The following TMEM87A variants were observed in gnomAD, a reference collection of about 807,000 sequenced individuals.
TMEM87A encodes transmembrane protein 87A.
Under a neutral mutation model 90.0 loss-of-function variants are expected in TMEM87A, and 50 were observed. The observed-to-expected ratio is 0.56, with a 90% CI of 0.44 to 0.70. TMEM87A has a LOEUF of 0.70. Among genes scored for constraint, TMEM87A ranks in the 30% least tolerant of loss-of-function variants. TMEM87A has a pLI of 0.00. For missense variants in TMEM87A, 577 were observed against 660.5 expected (o/e 0.87, Z 1.39); for synonymous variants, 226 against 226.7 (o/e 1.00, Z 0.03).
intron 15 of TMEM87A, chr15:42,224,422 T>A (rs1214154404): frequency 6.6e-6 from 1 of 152,178 alleles, no homozygotes; most frequent in Admixed American, 6.5e-5. Flanking sequence ...AAACAATGTG[T>A]TACTACATTT....
intron 7 of TMEM87A, among the ~76,000 whole-genome samples, chr15:42,243,607 T>C (rs1023351758): frequency 1.4e-5 from 2 of 146,114 alleles, no homozygotes; most frequent in East Asian, 4.2e-4. Flanking sequence ...ACAACCTCCA[T>C]CTCCCGGGTT....
intron 19 of TMEM87A, 47 bp downstream of exon 19, chr15:42,217,756 A>G (rs1407383776): frequency 5.0e-6 from 8 of 1,588,990 alleles, no homozygotes; most frequent in African/African-American, 1.4e-5. Flanking sequence ...ATGACTTTCT[A>G]TTTAGTCACC....
chr15:42,220,423 G>C (rs551405754), intron 15 of TMEM87A, among the ~76,000 whole-genome samples: 5 of 152,132 alleles, frequency 3.3e-5, no homozygotes, highest in Non-Finnish European at 7.3e-5. Flanking sequence ...TAAATAAGGG[G>C]ACAATAGAAC....
intron 7 of TMEM87A, among the ~76,000 whole-genome samples, chr15:42,242,062 A>C (rs2050881054): frequency 6.8e-6 from 1 of 147,934 alleles, no homozygotes; most frequent in Non-Finnish European, 1.5e-5. Context: ...GTGAGACTCT[A>C]TCTCAAAAAA....
At chr15:42,238,885 G>A (rs1566930881) in intron 8 of TMEM87A, among the ~76,000 whole-genome samples, 1 of 151,076 alleles carries the variant, frequency 6.6e-6, no homozygotes. Flanking sequence ...CAACAAAACG[G>A]GAAAACTATT....
intron 19 of TMEM87A, among the ~76,000 whole-genome samples, chr15:42,217,016 G>A (rs1052108906): frequency 4.0e-5 from 6 of 148,158 alleles, no homozygotes; most frequent in East Asian, 2.0e-4. Context: ...CTGGAGTGGC[G>A]TAATCTCAGC....
At chr15:42,273,542 C>T (rs1566946223), upstream of TMEM87A, 4 of 1,391,166 alleles carry the variant, frequency 2.9e-6, no homozygotes, top group East Asian at 2.5e-5. Flanking sequence ...AGCGGCCCCT[C>T]TCTCAGACAG....
chr15:42,265,467 C>T (rs1409231066), intron 3 of TMEM87A, among the ~76,000 whole-genome samples: 1 of 146,956 alleles, frequency 6.8e-6, no homozygotes, highest in East Asian at 2.0e-4. Context: ...CGATACTGAG[C>T]TTTTTTTTTT....
chr15:42,231,594 C>T (rs181738238), intron 11 of TMEM87A, among the ~76,000 whole-genome samples: 1 of 152,086 alleles, frequency 6.6e-6, no homozygotes, highest in African/African-American at 2.4e-5. Flanking sequence ...TCTATCATTT[C>T]CTATTATTGC....
At chr15:42,213,033 A>G (rs2050320036) in intron 19 of TMEM87A, among the ~76,000 whole-genome samples, 1 of 152,168 alleles carries the variant, frequency 6.6e-6, no homozygotes, top group African/African-American at 2.4e-5. Context: ...GGTCTTCTGC[A>G]CTATAGGAAA....
intron 7 of TMEM87A, among the ~76,000 whole-genome samples, chr15:42,241,914 A>G (rs1357490857): frequency 6.6e-6 from 1 of 151,974 alleles, no homozygotes; most frequent in Non-Finnish European, 1.5e-5. Flanking sequence ...TAAAAATACA[A>G]AAATTAGCTA....
chr15:42,235,030 CTTTA>C (rs1387877844), intron 10 of TMEM87A, among the ~76,000 whole-genome samples: 5 of 152,042 alleles, frequency 3.3e-5, no homozygotes, highest in Admixed American at 6.6e-5. Flanking sequence ...AGTCTCATGA[CTTTA>C]TTTATTTATT....
At chr15:42,220,209 A>G in intron 15 of TMEM87A, 74 bp from the exon 16 acceptor site, 3 of 1,079,246 alleles carry the variant, frequency 2.8e-6, no homozygotes, top group Non-Finnish European at 4.1e-6. Context: ...GCATTTTACA[A>G]AACTAATTAT....
intron 6 of TMEM87A, among the ~76,000 whole-genome samples, chr15:42,252,194 T>C (rs1268784017): frequency 6.6e-6 from 1 of 152,214 alleles, no homozygotes; most frequent in Non-Finnish European, 1.5e-5. Context: ...CCCGACCCCT[T>C]GCGCTTCCTG....
chr15:42,249,219 T>C (rs2051038857), intron 6 of TMEM87A, among the ~76,000 whole-genome samples: 1 of 152,224 alleles, frequency 6.6e-6, no homozygotes, highest in African/African-American at 2.4e-5. Context: ...GGTTGATCTT[T>C]TCAAAAAACC....
At chr15:42,233,009 G>C in intron 11 of TMEM87A, 1 of 329,566 alleles carries the variant, frequency 3.0e-6, no homozygotes, top group Non-Finnish European at 5.5e-6. Context: ...AGGTGGAAAA[G>C]CATTCATTCG....
intron 15 of TMEM87A, among the ~76,000 whole-genome samples, chr15:42,221,121 G>T (rs1159770174): frequency 6.6e-6 from 1 of 152,070 alleles, no homozygotes; most frequent in African/African-American, 2.4e-5. Context: ...GTGAGCCACC[G>T]CGCCTGGCCG....
intron 6 of TMEM87A, among the ~76,000 whole-genome samples, chr15:42,246,277 T>C (rs1480874869): frequency 6.6e-6 from 1 of 152,228 alleles, no homozygotes; most frequent in Non-Finnish European, 1.5e-5. Flanking sequence ...AACTATTTTC[T>C]AAGTACTGAG....
Position 42,219,607 on chromosome 15 carries a change from T to C in TMEM87A, c.1513A>G (p.Asn505Asp), listed in dbSNP as rs1368202535. 6.2e-7 allele frequency: 1 copy of C among 1,601,056 alleles called. No homozygotes were observed. Among genetic ancestry groups the C allele is most frequent in the Non-Finnish European group, 8.5e-7 (1 of 1,173,108 alleles). The part of the protein sequence containing the change: ...MKMRSTKQEP[N>D]GNSKVNKAQE... ...GCTTTGTTAACTTTACTATTTCCAT[T>C]GGGTTCTTGTTTGGTACTTCTCATT... is the stretch of plus-strand genomic sequence containing the variant. The change falls in exon 17 of 20, where the codon AAT (asparagine) becomes GAT (aspartate). Residue 505 changes from asparagine to aspartate, a missense_variant. Asn to Asp is a conservative substitution (Grantham distance 23). Transcript: ENST00000389834.
Sources: gnomAD v4.1 joint callset for allele counts (sites outside exome capture counted in the v4.1 genomes callset) on GRCh38, gnomAD v4.1.1 for gene constraint, MANE v1.5 for transcripts, NCBI Gene and HGNC (gene_info 2026-07-23, HGNC 2026-07-21) for gene names.